BTBD8: variants seen among roughly 807,000 people sequenced by gnomAD.
The protein encoded by BTBD8 is BTB/POZ domain-containing protein 8.
In BTBD8, 110 loss-of-function variants were observed where a neutral mutation model predicts 162.9. The observed-to-expected ratio is 0.68, with a 90% confidence interval of 0.58 to 0.79. The LOEUF is 0.79. Ranked by LOEUF, BTBD8 falls within the 30% of genes least tolerant of loss-of-function variation. The pLI is 0.00. For missense variants in BTBD8, 1,905 were observed against 2,085.4 expected, an observed-to-expected ratio of 0.91 and a Z score of 1.68; for synonymous variants, 667 against 716.1, an observed-to-expected ratio of 0.93 and a Z score of 1.10.
rs138405277 is a variant in BTBD8 at position 92,178,339 on chromosome 1, A to T, written c.2469A>T (p.Gly823=). ...TACTAAAGAAAGTCAGTGGCAAAGG[A>T]TGTAGTGAGCCAGTACCACAGGCAA... ...NSVLKKVSGK[G]CSEPVPQAIL... The change falls in exon 16 of 18, where the codon GGA becomes GGT. Residue 823 remains glycine (G), a synonymous_variant. Coordinates refer to ENST00000636805, the MANE Select transcript of BTBD8 (RefSeq NM_001376131.1). 8.4e-6 allele frequency: 13 copies of T among 1,551,340 alleles called. No homozygotes were observed. Among genetic ancestry groups the T allele is most frequent in the Non-Finnish European group, 1.1e-5 (13 of 1,146,776 alleles).
chr1:92,135,543 A>G (rs978321780), intron 5 of BTBD8, among the ~76,000 whole-genome samples: 1 of 152,196 alleles, frequency 6.6e-6, no homozygotes, highest in Non-Finnish European at 1.5e-5. Context: ...TTTAATGGGA[A>G]TAGTGCTTTA....
chr1:92,183,754 T>TG, intron 17 of BTBD8, 110 bp from the exon 18 acceptor site: 5 of 518,738 alleles, frequency 9.6e-6, no homozygotes, highest in Non-Finnish European at 1.5e-5. Flanking sequence ...TCCCATTCTG[T>TG]GTTTTTTTTT....
At chr1:92,156,904 A>T (rs1033606792) in intron 9 of BTBD8, among the ~76,000 whole-genome samples, 1 of 151,712 alleles carries the variant, frequency 6.6e-6, no homozygotes. Context: ...TGTTATTTTT[A>T]AAAAACTGTT....
chr1:92,170,528 G>A (rs1650509339), intron 12 of BTBD8, among the ~76,000 whole-genome samples: 1 of 152,052 alleles, frequency 6.6e-6, no homozygotes, highest in Non-Finnish European at 1.5e-5. Context: ...TCAGGATCCT[G>A]CTTTGTCTTA....
intron 9 of BTBD8, among the ~76,000 whole-genome samples, chr1:92,165,038 T>G (rs1365636606): frequency 6.6e-6 from 1 of 151,468 alleles, no homozygotes; most frequent in East Asian, 2.0e-4. Context: ...GGAGAATCAC[T>G]TGATCTCAGG....
At chr1:92,170,874 T>TG (rs1650519000) in intron 12 of BTBD8, among the ~76,000 whole-genome samples, 2 of 151,578 alleles carry the variant, frequency 1.3e-5, no homozygotes, top group African/African-American at 4.8e-5. Flanking sequence ...TTTTGAAGAT[T>TG]CTTATTTTAT....
intron 12 of BTBD8, among the ~76,000 whole-genome samples, chr1:92,170,341 A>G (rs1650505771): frequency 6.6e-6 from 1 of 152,162 alleles, no homozygotes; most frequent in African/African-American, 2.4e-5. Flanking sequence ...TGACTTATGC[A>G]TAATTACTTC....
At chr1:92,167,768 T>A in intron 10 of BTBD8, 80 bp from the exon 11 acceptor site, 1 of 1,156,490 alleles carries the variant, frequency 8.6e-7, no homozygotes, top group South Asian at 1.9e-5. Context: ...CTAGTTATAA[T>A]GATCTGTTAC....
At chr1:92,116,247 G>A (rs1649039978) in intron 4 of BTBD8, among the ~76,000 whole-genome samples, 1 of 151,966 alleles carries the variant, frequency 6.6e-6, no homozygotes, top group East Asian at 1.9e-4. Flanking sequence ...GAGACTTTTC[G>A]ATGGCCCAGA....
chr1:92,183,967 T>G lies in BTBD8; in HGVS notation c.5016T>G (p.Phe1672Leu). ...ATGAGATGGATGTAATAGAAGCATTTGAGCAGAAAGTGGAATCAGAAACAC... is the reference window on the plus strand; with the variant it reads ...ATGAGATGGATGTAATAGAAGCATTGGAGCAGAAAGTGGAATCAGAAACAC... ...PIYEMDVIEAFEQKVESETHV... is the reference protein window; with the variant it reads ...PIYEMDVIEALEQKVESETHV... The change falls in exon 18 of 18, where the codon TTT becomes TTG. Residue 1672 changes from phenylalanine (F) to leucine (L), a missense_variant. Phe to Leu is a conservative substitution (Grantham distance 22). Coordinates refer to ENST00000636805, the MANE Select transcript of BTBD8 (RefSeq NM_001376131.1). 6.4e-7 allele frequency: 1 copy of G among 1,551,604 alleles called. No homozygotes were observed. Among genetic ancestry groups the G allele is most frequent in the South Asian group, 1.2e-5 (1 of 84,058 alleles).
intron 17 of BTBD8, among the ~76,000 whole-genome samples, chr1:92,183,335 C>T (rs972543885): frequency 6.6e-6 from 1 of 152,094 alleles, no homozygotes; most frequent in Non-Finnish European, 1.5e-5. Flanking sequence ...AAATACTGAT[C>T]AGTAGTTTCC....
chr1:92,112,801 C>A (rs988272740), intron 4 of BTBD8, among the ~76,000 whole-genome samples: 10 of 152,212 alleles, frequency 6.6e-5, no homozygotes, highest in African/African-American at 2.4e-4. Context: ...GTGATTACTC[C>A]AAAAATTTAG....
Position 92,129,777 on chromosome 1 carries a change from G to T in BTBD8, c.752+1G>T, listed in dbSNP as rs755411488. On this transcript the variant is annotated splice_donor_variant, in intron 5 of 17. Transcript: ENST00000636805. LOFTEE classifies it high-confidence loss of function. ...CCCAAGAGTACGTTACTCTTCAAGG[G>T]TAAGCATATTTTTACAGGGCCATTT... The T allele has an allele frequency of 6.2e-7, 1 of 1,611,832 alleles. No individual in the cohort carries two copies. Among genetic ancestry groups the T allele is most frequent in the Non-Finnish European group, 8.5e-7 (1 of 1,178,112 alleles).
At chr1:92,174,656 A>G (rs1015538062) in intron 13 of BTBD8, among the ~76,000 whole-genome samples, 1 of 152,100 alleles carries the variant, frequency 6.6e-6, no homozygotes, top group African/African-American at 2.4e-5. Flanking sequence ...TTTGAGCAAG[A>G]AAACAAAAAA....
At chr1:92,081,002 A>G (rs1412309560) in intron 1 of BTBD8, among the ~76,000 whole-genome samples, 1 of 152,220 alleles carries the variant, frequency 6.6e-6, no homozygotes, top group African/African-American at 2.4e-5. Context: ...ATATCTCAAC[A>G]CAGGCACGCT....
chr1:92,121,519 GTTAC>G (rs1469154065), intron 4 of BTBD8, among the ~76,000 whole-genome samples: 1 of 152,050 alleles, frequency 6.6e-6, no homozygotes. Context: ...ATCTTGGCCT[GTTAC>G]TTTCTTTCTT....
At chr1:92,169,027 T>G in intron 12 of BTBD8, 32 bp downstream of exon 12, 1 of 1,483,066 alleles carries the variant, frequency 6.7e-7, no homozygotes. Flanking sequence ...TCAATTCTTA[T>G]GTAATGATCA....
At position 92,080,731 on chromosome 1, in the gene BTBD8, G is replaced by A; in HGVS notation, c.149+11G>A. 6.2e-7 allele frequency: 1 copy of A among 1,605,384 alleles called. No homozygotes were observed. Among genetic ancestry groups the A allele is most frequent in the East Asian group, 2.3e-5 (1 of 44,352 alleles). ...CCAGGATTTGCTCAGGTAGGAGGAG[G>A]CGGGAACTCTGGCTGCTTCAGTTCC... On this transcript the variant is annotated intron_variant, in intron 1 of 17. Coordinates refer to ENST00000636805, the MANE Select transcript of BTBD8 (RefSeq NM_001376131.1).
chr1:92,169,555 A>G (rs1472046734), intron 12 of BTBD8, among the ~76,000 whole-genome samples: 1 of 152,152 alleles, frequency 6.6e-6, no homozygotes, highest in Non-Finnish European at 1.5e-5. Flanking sequence ...AAAGATGTAT[A>G]TTGCTCAGAA....
Sources: gnomAD v4.1 joint callset for allele counts (sites outside exome capture counted in the v4.1 genomes callset) on GRCh38, gnomAD v4.1.1 for gene constraint, MANE v1.5 for transcripts, NCBI Gene and HGNC (gene_info 2026-07-23, HGNC 2026-07-21) for gene names.